The following PCDH9 variants were observed in gnomAD, a reference collection of about 807,000 sequenced individuals.
PCDH9 encodes protocadherin 9.
PCDH9 carries 24 observed loss-of-function variants against 70.6 expected under a neutral mutation model. The ratio of observed to expected loss-of-function variants is 0.34; its 90% CI spans 0.25 to 0.48. The LOEUF (loss-of-function observed/expected upper bound fraction) is 0.48, where lower values mean the gene tolerates loss of function less well. Among genes scored for constraint, PCDH9 ranks in the 20% least tolerant of loss-of-function variants. The pLI is 0.99. For synonymous variants in PCDH9, 562 were observed against 558.5 expected, an observed-to-expected ratio of 1.01 and a Z score of -0.09; for missense variants, 1,281 against 1,503.6, an observed-to-expected ratio of 0.85 and a Z score of 2.45.
intron 2 of PCDH9, among the ~76,000 whole-genome samples, chr13:67,051,128 G>C (rs953743041): frequency 2.6e-5 from 4 of 152,054 alleles, no homozygotes; most frequent in Non-Finnish European, 5.9e-5. Flanking sequence ...AACATAACCT[G>C]CTCCATAATA....
At chr13:66,693,782 T>G (rs2078520672) in intron 3 of PCDH9, among the ~76,000 whole-genome samples, 1 of 152,220 alleles carries the variant, frequency 6.6e-6, no homozygotes, top group Non-Finnish European at 1.5e-5. Context: ...TAATTAGTCT[T>G]AATATCAGTA....
chr13:66,865,909 T>C (rs1193652492), intron 3 of PCDH9, among the ~76,000 whole-genome samples: 3 of 152,240 alleles, frequency 2.0e-5, no homozygotes, highest in African/African-American at 7.2e-5. Context: ...ATGGCCTGTG[T>C]AGAATTCAAG....
At chr13:66,879,446 A>G (rs1425208775) in intron 3 of PCDH9, among the ~76,000 whole-genome samples, 1 of 152,184 alleles carries the variant, frequency 6.6e-6, no homozygotes, top group African/African-American at 2.4e-5. Context: ...GCCTGGCAGA[A>G]TAAATATGAT....
chr13:67,080,163 G>T (rs1927823), intron 2 of PCDH9, among the ~76,000 whole-genome samples: 34,028 of 151,984 alleles, frequency 0.22, 4,059 homozygotes, highest in Middle Eastern at 0.29. Flanking sequence ...GACTCAGAAC[G>T]CACCTCTTTA....
In PCDH9 at chr13:66,762,231, C is replaced by T. The variant is rs189339933; in HGVS notation, c.3139-130820G>A. 3.9e-5 allele frequency among the ~76,000 whole-genome samples: 6 copies of T among 152,196 alleles called. No individual in the cohort carries two copies. In the East Asian group the frequency reaches 5.8e-4, roughly 15 times the overall value. ...TTCAGCCCATGGCTGCTAAAGCCTG[C>T]CAGTTGCTGAGGTTTGTACAGAACC... On this transcript the variant is annotated intron_variant, in intron 3 of 4. Transcript: ENST00000377865.
At chr13:66,822,750 T>TC (rs2080736909) in intron 3 of PCDH9, among the ~76,000 whole-genome samples, 1 of 152,146 alleles carries the variant, frequency 6.6e-6, no homozygotes, top group African/African-American at 2.4e-5. Context: ...CCTAAAGTGA[T>TC]CCGCCTGCCT....
At chr13:67,134,427 C>T (rs1412991163) in intron 2 of PCDH9, among the ~76,000 whole-genome samples, 7 of 152,040 alleles carry the variant, frequency 4.6e-5, no homozygotes, top group Non-Finnish European at 1.0e-4. Flanking sequence ...GGTTCCTATA[C>T]ATGATCACCC....
chr13:66,983,355 A>G (rs922871522), intron 2 of PCDH9, among the ~76,000 whole-genome samples: 1 of 152,170 alleles, frequency 6.6e-6, no homozygotes, highest in Non-Finnish European at 1.5e-5. Flanking sequence ...ATTACTTACA[A>G]TGAAAGAATG....
chr13:66,688,944 C>T (rs1053568041), intron 3 of PCDH9, among the ~76,000 whole-genome samples: 2 of 151,890 alleles, frequency 1.3e-5, no homozygotes, highest in Non-Finnish European at 1.5e-5. Context: ...AAATATATTA[C>T]CTATGGTAGC....
In PCDH9 at chr13:66,573,595, A is replaced by G. The variant is rs1485165093; in HGVS notation, c.3340+57615T>C. ...ATTTATCATTAGATTCTAGCATAGT[A>G]TCTGGCACAGGTTGAGATGCTACGT... On this transcript the variant is annotated intron_variant, in intron 4 of 4. Coordinates refer to ENST00000377865, the MANE Select transcript of PCDH9 (RefSeq NM_203487.3). 2.6e-5 allele frequency among the ~76,000 whole-genome samples: 4 copies of G among 152,312 alleles called. No individual in the cohort carries two copies. The East Asian group carries it at 7.7e-4, about 29-fold the overall frequency.
intron 4 of PCDH9, among the ~76,000 whole-genome samples, chr13:66,380,884 T>C (rs1956836702): frequency 3.3e-5 from 5 of 152,168 alleles, no homozygotes; most frequent in African/African-American, 1.2e-4. Flanking sequence ...TTTCCCTCCA[T>C]GGTCTGTAAG....
At chr13:66,980,628 T>C (rs1393141908) in intron 2 of PCDH9, among the ~76,000 whole-genome samples, 1 of 151,982 alleles carries the variant, frequency 6.6e-6, no homozygotes, top group Non-Finnish European at 1.5e-5. Context: ...CTTATCACAA[T>C]TTATAATCAT....
intron 4 of PCDH9, among the ~76,000 whole-genome samples, chr13:66,410,025 G>A (rs543145954): frequency 3.3e-5 from 5 of 152,258 alleles, no homozygotes; most frequent in African/African-American, 1.2e-4. Flanking sequence ...CAGATGGTTG[G>A]CTAAAACTCA....
chr13:66,511,355 GT>G (rs1161691696), intron 4 of PCDH9, among the ~76,000 whole-genome samples: 1 of 152,218 alleles, frequency 6.6e-6, no homozygotes, highest in African/African-American at 2.4e-5. Flanking sequence ...TCTGGGGCAT[GT>G]TATTTAACCT....
At chr13:66,446,073 G>C (rs748003211) in intron 4 of PCDH9, among the ~76,000 whole-genome samples, 1 of 151,706 alleles carries the variant, frequency 6.6e-6, no homozygotes, top group African/African-American at 2.4e-5. Context: ...GAATTATAAC[G>C]TTCAAAACTA....
At chr13:66,644,310 A>G (rs1046702588) in intron 3 of PCDH9, among the ~76,000 whole-genome samples, 2 of 142,856 alleles carry the variant, frequency 1.4e-5, no homozygotes, top group African/African-American at 5.1e-5. Flanking sequence ...GGCTCATCAT[A>G]TGTAACAGAT....
chr13:66,795,031 AT>A (rs1326189387), intron 3 of PCDH9, among the ~76,000 whole-genome samples: 1 of 151,716 alleles, frequency 6.6e-6, no homozygotes, highest in Non-Finnish European at 1.5e-5. Context: ...AAAGGAGGAG[AT>A]TGTGTTAAAT....
chr13:66,698,695 C>T (rs1039100216), intron 3 of PCDH9, among the ~76,000 whole-genome samples: 4 of 151,978 alleles, frequency 2.6e-5, no homozygotes, highest in Non-Finnish European at 4.4e-5. Context: ...CTTCCCACCT[C>T]AGCTCTCAAG....
chr13:66,504,283 A>T (rs1447423771), intron 4 of PCDH9, among the ~76,000 whole-genome samples: 1 of 152,226 alleles, frequency 6.6e-6, no homozygotes, highest in Non-Finnish European at 1.5e-5. Flanking sequence ...TTCAATCTTA[A>T]TAATTATTGT....
Sources: gnomAD v4.1 joint callset for allele counts (sites outside exome capture counted in the v4.1 genomes callset) on GRCh38, gnomAD v4.1.1 for gene constraint, MANE v1.5 for transcripts, NCBI Gene and HGNC (gene_info 2026-07-23, HGNC 2026-07-21) for gene names.